Variants in IL32 observed in about 807,000 individuals in gnomAD.
IL32 encodes the protein interleukin-32.
Under a neutral mutation model 16.6 loss-of-function variants are expected in IL32, and 30 were observed. The observed-to-expected ratio is 1.81, with a 90% CI of 1.35 to 2.45. The LOEUF is 2.45. IL32 is among the 30% of genes most tolerant of loss of function. The pLI is 0.00. For missense variants in IL32, 234 were observed against 229.8 expected, an observed-to-expected ratio of 1.02 and a Z score of -0.12; for synonymous variants, 70 against 86.1, an observed-to-expected ratio of 0.81 and a Z score of 1.03.
intron 2 of IL32, among the ~76,000 whole-genome samples, chr16:3,066,292 T>C (rs1279732095): frequency 6.6e-6 from 1 of 152,160 alleles, no homozygotes; most frequent in Non-Finnish European, 1.5e-5. Context: ...CTTCGGCCTG[T>C]GACAATAGGG....
intron 5 of IL32, 52 bp from the exon 6 acceptor site, chr16:3,068,128 G>A: frequency 6.2e-7 from 1 of 1,603,512 alleles, no homozygotes; most frequent in Non-Finnish European, 8.5e-7. Context: ...GGCCACAGTG[G>A]GAAGGGGGCA....
rs1033745955 is a variant in IL32 at position 3,066,608 on chromosome 16, G to T, written c.16-769G>T. 1.1e-4 allele frequency among the ~76,000 whole-genome samples: 16 copies of T among 152,240 alleles called. 1 individual carries two copies. The highest frequency in any genetic ancestry group is 3.6e-4 in the African/African-American group (15 of 41,524). Reference sequence around the variant, plus strand: ...TGGGGTGCCTCTGGCCTCTGTGGATGCAGCCACGTGTCTGCAGGCAGGAAT... The same window carrying T: ...TGGGGTGCCTCTGGCCTCTGTGGATTCAGCCACGTGTCTGCAGGCAGGAAT... On this transcript the variant is annotated intron_variant, in intron 2 of 6. Coordinates refer to ENST00000525643, the MANE Select transcript of IL32 (RefSeq NM_001376923.1).
chr16:3,067,295 GTGTGTGTGTGTGTGTA>G (rs1956480834), intron 2 of IL32, 66 bp from the exon 3 acceptor site: 3 of 698,030 alleles, frequency 4.3e-6, no homozygotes, highest in Non-Finnish European at 7.5e-6. Context: ...GTGTGTGTGT[GTGTGTGTGTGTGTGTA>G]TAAATTATCC....
rs774458382 is a variant in IL32, at chr16:3,067,410, C to T, written c.49C>T (p.Arg17Ter). ...LSDDMKKLKA[R>*]MHQAIERFYD... ...TGATGACATGAAGAAGCTGAAGGCC[C>T]GAATGGTAATGCTCCTCCCTACTTC... is the stretch of plus-strand genomic sequence containing the variant. Residue 17 changes from arginine (R) to a stop codon, truncating the protein, a stop_gained, in exon 3 of 7, where the codon CGA (arginine) becomes TGA (stop). Coordinates refer to ENST00000525643, the MANE Select transcript of IL32 (RefSeq NM_001376923.1). LOFTEE classifies it high-confidence loss of function. 2.3e-5 allele frequency: 37 copies of T among 1,575,306 alleles called. No homozygotes were observed. The highest frequency in any genetic ancestry group is 3.7e-5 in the Admixed American group (2 of 53,694).
chr16:3,067,774 T>A, intron 4 of IL32, 161 bp downstream of exon 4: 2 of 807,946 alleles, frequency 2.5e-6, no homozygotes, highest in Non-Finnish European at 4.1e-6. Flanking sequence ...AGTGGGCGGG[T>A]GGGGGATCTG....
chr16:3,068,757 C>T, intron 6 of IL32: 1 of 626,042 alleles, frequency 1.6e-6, no homozygotes, highest in Non-Finnish European at 2.7e-6. Flanking sequence ...ACGATGAGGG[C>T]CCTGACCTGG....
At position 3,065,691 on chromosome 16, in the gene IL32, G is replaced by T. The variant is rs903678525; in HGVS notation, c.-29+4G>T. The T allele has an allele frequency of 9.8e-7, 1 of 1,016,448 alleles. No individual in the cohort carries two copies. Among genetic ancestry groups the T allele is most frequent in the East Asian group, 2.4e-5 (1 of 42,152 alleles). The allele number at this position is 1,016,448 out of a possible 1,614,324, so 63.0% of individuals were successfully genotyped here. The stretch of plus-strand genomic sequence containing the variant: ...CAGTGGAGCTGGGTCATCTCAGGTG[G>T]GGAGTTGGGGTCCCCGAAGGTGAGG... On this transcript the variant is annotated splice_donor_region_variant and intron_variant, in intron 1 of 6. Coordinates refer to ENST00000525643, the MANE Select transcript of IL32 (RefSeq NM_001376923.1).
chr16:3,067,862 G>A (rs867511515), intron 4 of IL32, 122 bp from the exon 5 acceptor site: 51 of 1,205,612 alleles, frequency 4.2e-5, no homozygotes, highest in East Asian at 9.6e-5. Flanking sequence ...GACGTGGCCC[G>A]GGCCCCTGGC....
rs770407535 is a variant in IL32, at chr16:3,065,764, C to T, written c.-28-20C>T. ...TCTCTGAGACACTTTCTTTTCCTCA[C>T]ACCTGTTCCTCGCCAGCAGGCCTTG... On this transcript the variant is annotated intron_variant, in intron 1 of 6. Transcript: ENST00000525643. 1 of 1,613,524 alleles carries T rather than the reference C, an allele frequency of 6.2e-7. No homozygotes were observed. The highest frequency in any genetic ancestry group is 8.5e-7 in the Non-Finnish European group (1 of 1,179,436).
Position 3,069,098 on chromosome 16 carries a change from T to G in IL32, c.310T>G (p.Phe104Val). ...CGCAACCGAGGAGCCTGGGGAGAGC[T>G]TTTGTGACAAGGTCATGAGATGGTT... Reference protein sequence around the residue: ...DPATEEPGESFCDKVMRWFQA... With the variant: ...DPATEEPGESVCDKVMRWFQA... The change falls in exon 7 of 7, where the codon TTT (phenylalanine) becomes GTT (valine). Residue 104 changes from phenylalanine to valine, a missense_variant. By Grantham distance (50) the Phe-to-Val change is conservative (BLOSUM62 -1). Around this residue, in one of 3 missense-constraint regions of IL32, gnomAD observed 44 missense variants for 103.1 expected, o/e 0.43. Transcript: ENST00000525643. The G allele has an allele frequency of 6.2e-7, 1 of 1,609,172 alleles. No individual in the cohort carries two copies.
At position 3,069,151 on chromosome 16, in the gene IL32, C is replaced by G. The variant is rs967532044; in HGVS notation, c.363C>G (p.Thr121=). ...AGGCCATGCTGCAGCGGCTGCAGAC[C>G]TGGTGGCACGGGGTTCTGGCCTGGG... ...WFQAMLQRLQ[T]WWHGVLAWVK... The change falls in exon 7 of 7, where the codon ACC becomes ACG. Residue 121 remains threonine, a synonymous_variant. Transcript: ENST00000525643. 1.2e-5 allele frequency: 19 copies of G among 1,613,000 alleles called. No homozygotes were observed. The highest frequency in any genetic ancestry group is 1.6e-5 in the Non-Finnish European group (19 of 1,179,638).
intron 3 of IL32, 59 bp from the exon 4 acceptor site, chr16:3,067,495 T>C: frequency 6.2e-7 from 1 of 1,614,018 alleles, no homozygotes; most frequent in Non-Finnish European, 8.5e-7. Flanking sequence ...GTGGGACACC[T>C]GGGACCCTGG....
chr16:3,067,797 G>A (rs898536494), intron 4 of IL32, 184 bp downstream of exon 4: 1 of 812,724 alleles, frequency 1.2e-6, no homozygotes, highest in Non-Finnish European at 2.0e-6. Context: ...CGCCCGGGGA[G>A]ACTGAGGGAG....
At chr16:3,066,598 C>T (rs929560019) in intron 2 of IL32, among the ~76,000 whole-genome samples, 1 of 151,998 alleles carries the variant, frequency 6.6e-6, no homozygotes, top group Non-Finnish European at 1.5e-5. Context: ...TGCCTCTGGC[C>T]TCTGTGGATG....
intron 5 of IL32, 60 bp downstream of exon 5, chr16:3,068,070 A>G (rs2151195493): frequency 6.2e-7 from 1 of 1,607,062 alleles, no homozygotes; most frequent in South Asian, 1.1e-5. Flanking sequence ...TCCACAGGAC[A>G]CTGGGTCTGG....
chr16:3,065,750 CTT>C, intron 1 of IL32, 32 bp from the exon 2 acceptor site: 2 of 1,610,706 alleles, frequency 1.2e-6, no homozygotes, highest in Non-Finnish European at 1.7e-6. Context: ...CTCTGAGACA[CTT>C]TCTTTTCCTC....
Position 3,067,399 on chromosome 16 carries a change from A to G in IL32, c.38A>G (p.Lys13Arg). Residue 13 changes from lysine to arginine, a missense_variant, in exon 3 of 7, where the codon AAG (lysine) becomes AGG (arginine). By Grantham distance (26) the Lys-to-Arg change is conservative (BLOSUM62 2). This residue lies in a region of IL32 where 137 missense variants were observed against 80.7 expected (regional missense o/e 1.70). Transcript: ENST00000525643. ...CAGGTCCTCTCTGATGACATGAAGA[A>G]GCTGAAGGCCCGAATGGTAATGCTC... ...FPKVLSDDMKKLKARMHQAIE... is the reference protein window; with the variant it reads ...FPKVLSDDMKRLKARMHQAIE... The G allele has an allele frequency of 6.4e-7, 1 of 1,562,380 alleles. No homozygotes were observed. The highest frequency in any genetic ancestry group is 8.7e-7 in the Non-Finnish European group (1 of 1,153,730).
chr16:3,067,410 C>G lies in IL32; in HGVS notation c.49C>G (p.Arg17Gly), dbSNP rs774458382. 17 of 1,575,424 alleles carry G rather than the reference C, an allele frequency of 1.1e-5. No homozygotes were observed. The highest frequency in any genetic ancestry group is 2.3e-5 in the East Asian group (1 of 44,418). Reference protein sequence around the residue: ...LSDDMKKLKARMHQAIERFYD... With the variant: ...LSDDMKKLKAGMHQAIERFYD... ...TGATGACATGAAGAAGCTGAAGGCC[C>G]GAATGGTAATGCTCCTCCCTACTTC... is the stretch of plus-strand genomic sequence containing the variant. The change falls in exon 3 of 7, where the codon CGA (arginine) becomes GGA (glycine). Residue 17 changes from arginine to glycine, a missense_variant. By Grantham distance (125) the Arg-to-Gly change is moderately radical. This residue lies in a region of IL32 where 137 missense variants were observed against 80.7 expected (regional missense o/e 1.70). Coordinates refer to ENST00000525643, the MANE Select transcript of IL32 (RefSeq NM_001376923.1).
upstream of IL32, chr16:3,065,579 A>G (rs1956224697): frequency 3.2e-6 from 2 of 625,574 alleles, no homozygotes; most frequent in South Asian, 3.7e-5. Context: ...CTGCCCTGAG[A>G]GAGGCTCCGC....
Sources: allele counts gnomAD v4.1 joint callset (sites outside exome capture counted in the v4.1 genomes callset), GRCh38; gene constraint gnomAD v4.1.1; regional missense constraint gnomAD v4.1.1; transcripts MANE v1.5; gene names NCBI Gene and HGNC (gene_info 2026-07-23, HGNC 2026-07-21).